Variants in VPS37A observed in about 807,000 individuals in gnomAD.
VPS37A encodes the protein vacuolar protein sorting-associated protein 37A.
In VPS37A, 30 loss-of-function variants were observed where a neutral mutation model predicts 49.8. That is an observed-to-expected ratio of 0.60 (90% CI 0.45 to 0.82). The LOEUF (loss-of-function observed/expected upper bound fraction) is 0.82, where lower values mean the gene tolerates loss of function less well. Among genes scored for constraint, VPS37A ranks in the 40% least tolerant of loss-of-function variants. The probability of loss-of-function intolerance (pLI) is 0.00; values close to 1 mark genes in which losing one functional copy is unlikely to be tolerated. For missense variants in VPS37A, 593 were observed against 464.4 expected, an observed-to-expected ratio of 1.28 and a Z score of -2.55; for synonymous variants, 195 against 160.6, an observed-to-expected ratio of 1.21 and a Z score of -1.62.
chr8:17,267,319 CAG>C (rs1813562493), intron 2 of VPS37A, among the ~76,000 whole-genome samples: 1 of 152,114 alleles, frequency 6.6e-6, no homozygotes, highest in African/African-American at 2.4e-5. Context: ...TCTGAACCAT[CAG>C]GGGAACAAAG....
downstream of VPS37A, among the ~76,000 whole-genome samples, chr8:17,306,911 G>A (rs1049870531): frequency 3.3e-5 from 4 of 121,738 alleles, no homozygotes; most frequent in East Asian, 2.6e-4. Flanking sequence ...AGACTTAAAC[G>A]TTAGACCTAA....
Position 17,279,870 on chromosome 8 carries a change from T to C in VPS37A, c.714-158T>C, listed in dbSNP as rs569098348. ...TCTATGTTCCATTGTGGTTGATGTT[T>C]TATTTGATTTTAAGGTTAAAACTGG... On this transcript the variant is annotated intron_variant, in intron 6 of 11. Coordinates refer to ENST00000324849, the MANE Select transcript of VPS37A (RefSeq NM_152415.3). 9 of 826,590 alleles carry C rather than the reference T, an allele frequency of 1.1e-5. No homozygotes were observed. In the African/African-American group the frequency reaches 1.5e-4, roughly 14 times the overall value. 51.2% of individuals were successfully genotyped at this position (826,590 alleles called of 1,614,324 possible). A position where few individuals can be genotyped will look rare whatever the true frequency, so the allele number is the denominator to read the frequency against.
At chr8:17,270,441 T>G (rs1314355607) in intron 4 of VPS37A, among the ~76,000 whole-genome samples, 1 of 152,182 alleles carries the variant, frequency 6.6e-6, no homozygotes, top group East Asian at 1.9e-4. Flanking sequence ...ATGTGGCATC[T>G]CCATGTGACC....
At chr8:17,304,639 A>T, downstream of VPS37A, 2 of 989,886 alleles carry the variant, frequency 2.0e-6, no homozygotes, top group South Asian at 1.6e-5. Context: ...TGTCTGTTCG[A>T]TAGCAGGTAA....
At chr8:17,286,613 C>A (rs1458558097) in intron 11 of VPS37A, 186 bp downstream of exon 11, 12 of 495,300 alleles carry the variant, frequency 2.4e-5, no homozygotes, top group Non-Finnish European at 3.9e-5. Flanking sequence ...TAGTAGAAAT[C>A]TTTTGGATAT....
chr8:17,279,124 T>G (rs1814793227), intron 6 of VPS37A, among the ~76,000 whole-genome samples: 3 of 152,166 alleles, frequency 2.0e-5, no homozygotes, highest in African/African-American at 7.2e-5. Flanking sequence ...CACACATCTG[T>G]AAGCTAAATA....
chr8:17,273,739 T>C (rs1401874479), intron 4 of VPS37A, among the ~76,000 whole-genome samples: 6 of 152,172 alleles, frequency 3.9e-5, no homozygotes, highest in Non-Finnish European at 2.9e-5. Context: ...TACTGTGGCT[T>C]ATTTTTCCAT....
intron 4 of VPS37A, among the ~76,000 whole-genome samples, chr8:17,269,945 G>T (rs1813820295): frequency 6.6e-6 from 1 of 152,158 alleles, no homozygotes; most frequent in Non-Finnish European, 1.5e-5. Flanking sequence ...TATACAAGAA[G>T]CATGACATTG....
chr8:17,264,534 C>T (rs1427084438), intron 1 of VPS37A, among the ~76,000 whole-genome samples: 1 of 152,140 alleles, frequency 6.6e-6, no homozygotes, highest in African/African-American at 2.4e-5. Context: ...GAGAGGAAAG[C>T]TTATCTACAT....
rs115387151 is a variant in VPS37A at position 17,257,772 on chromosome 8, G to A, written c.126-8135G>A. Among the ~76,000 whole-genome samples, 19 of 152,240 alleles carry A rather than the reference G, an allele frequency of 1.2e-4. No individual in the cohort carries two copies. The East Asian group carries it at 1.9e-3, about 15-fold the overall frequency. ...ATTTATTCCTCCAGCCACAAGCATG[G>A]AATATGTTTCCATTTTTTTTGTACA... On this transcript the variant is annotated intron_variant, in intron 1 of 11. Transcript: ENST00000324849.
At chr8:17,285,679 T>C (rs968022955) in intron 10 of VPS37A, among the ~76,000 whole-genome samples, 2 of 152,210 alleles carry the variant, frequency 1.3e-5, no homozygotes, top group African/African-American at 4.8e-5. Context: ...GTTAGTGACT[T>C]ACTTATGGTT....
chr8:17,307,910 A>G, the VPS37A span, among the ~76,000 whole-genome samples: 256 of 151,596 alleles, frequency 1.7e-3, 1 homozygote, highest in African/African-American at 5.8e-3. Context: ...GGGGGGAGGG[A>G]TAGCATTAGG....
intron 10 of VPS37A, among the ~76,000 whole-genome samples, chr8:17,285,364 C>T (rs549148514): frequency 3.3e-5 from 5 of 152,182 alleles, no homozygotes; most frequent in South Asian, 2.1e-4. Flanking sequence ...GAAAGAATAA[C>T]GTACAGGGAT....
At chr8:17,300,308 C>T (rs944153105), downstream of VPS37A, 19 of 1,369,788 alleles carry the variant, frequency 1.4e-5, no homozygotes, top group Admixed American at 4.2e-4. Flanking sequence ...CATTTGTTAC[C>T]TCCCACGTGG....
At chr8:17,254,245 G>A (rs187495982) in intron 1 of VPS37A, among the ~76,000 whole-genome samples, 19 of 152,228 alleles carry the variant, frequency 1.2e-4, no homozygotes, top group African/African-American at 4.3e-4. Flanking sequence ...TCCTTAGGTA[G>A]GGCAAGTTGA....
the VPS37A span, among the ~76,000 whole-genome samples, chr8:17,312,911 C>T: frequency 7.9e-5 from 12 of 152,182 alleles, no homozygotes; most frequent in Non-Finnish European, 1.6e-4. Context: ...CTTCCAGCTA[C>T]AGGAACATGA....
chr8:17,286,466 A>G (rs370297598), intron 11 of VPS37A, 39 bp downstream of exon 11: 161 of 1,570,496 alleles, frequency 1.0e-4, no homozygotes, highest in Admixed American at 5.0e-4. Flanking sequence ...AGGTGATTGC[A>G]TCAGTGTTCT....
chr8:17,274,712 A>G, intron 4 of VPS37A, 21 bp from the exon 5 acceptor site: 2 of 1,578,710 alleles, frequency 1.3e-6, no homozygotes, highest in African/African-American at 1.4e-5. Flanking sequence ...TAATGTAATG[A>G]TCTTCTCTTT....
At chr8:17,301,662 G>C (rs1479048010), downstream of VPS37A, 1 of 154,818 alleles carries the variant, frequency 6.5e-6, no homozygotes, top group Non-Finnish European at 1.4e-5. Context: ...TATCCAATTA[G>C]GAAAAGCATT....
Sources: allele counts gnomAD v4.1 joint callset (sites outside exome capture counted in the v4.1 genomes callset), GRCh38; gene constraint gnomAD v4.1.1; transcripts MANE v1.5; gene names NCBI Gene and HGNC (gene_info 2026-07-23, HGNC 2026-07-21).